Variants in FAM8A1 observed in about 807,000 individuals in gnomAD.
FAM8A1 encodes the protein family with sequence similarity 8 member A1, also known as protein FAM8A1.
In FAM8A1, 18 loss-of-function variants were observed where a neutral mutation model predicts 38.3. That is an observed-to-expected ratio of 0.47 (90% CI 0.33 to 0.70). The LOEUF is 0.70. Ranked by LOEUF, FAM8A1 falls within the 30% of genes least tolerant of loss-of-function variation. The probability of loss-of-function intolerance (pLI) is 0.03; values close to 1 mark genes in which losing one functional copy is unlikely to be tolerated. For missense variants in FAM8A1, 559 were observed against 559.6 expected (o/e 1.00, Z 0.01); for synonymous variants, 246 against 234.4 (o/e 1.05, Z -0.45).
Position 17,600,481 on chromosome 6 carries a change from C to G in FAM8A1, c.72C>G (p.Pro24=). ...GQDDGGGDHE[P]VPSLRGPPTT... ...ACGATGGCGGAGGGGACCACGAGCCCGTCCCTTCCCTGAGAGGCCCTCCTA... is the reference window on the plus strand; with the variant it reads ...ACGATGGCGGAGGGGACCACGAGCCGGTCCCTTCCCTGAGAGGCCCTCCTA... Residue 24 remains proline (P), a synonymous_variant, in exon 1 of 5, where the codon CCC becomes CCG. Transcript: ENST00000259963. The G allele has an allele frequency of 6.6e-7, 1 of 1,522,396 alleles. No individual in the cohort carries two copies. Among genetic ancestry groups the G allele is most frequent in the Non-Finnish European group, 8.8e-7 (1 of 1,138,722 alleles). The allele number at this position is 1,522,396 out of a possible 1,614,324, so 94.3% of individuals were successfully genotyped here.
At chr6:17,606,037 C>A in intron 4 of FAM8A1, 24 bp downstream of exon 4, 1 of 1,477,172 alleles carries the variant, frequency 6.8e-7, no homozygotes. Context: ...TTAGCTTAAT[C>A]TACTACATAC....
rs757899263 is a variant in FAM8A1, at chr6:17,601,001, C to G, written c.592C>G (p.Pro198Ala). ...RTAAGISTPAPVAGLGPRAPH... is the reference protein window; with the variant it reads ...RTAAGISTPAAVAGLGPRAPH... ...AGCTGCCGGCATCAGCACCCCTGCT[C>G]CAGTCGCGGGCCTGGGACCCCGGGC... is the stretch of plus-strand genomic sequence containing the variant. The change falls in exon 1 of 5, where the codon CCA (proline) becomes GCA (alanine). Residue 198 changes from proline (P) to alanine (A), a missense_variant. This residue lies in a region of FAM8A1 where 393 missense variants were observed against 338.9 expected (regional missense o/e 1.16). Transcript: ENST00000259963. 1.7e-5 allele frequency: 27 copies of G among 1,588,990 alleles called. No individual in the cohort carries two copies. Among genetic ancestry groups the G allele is most frequent in the Middle Eastern group, 1.7e-4 (1 of 5,976 alleles).
chr6:17,605,044 T>G lies in FAM8A1; in HGVS notation c.957+15T>G, dbSNP rs764202859. The G allele has an allele frequency of 1.9e-6, 3 of 1,592,788 alleles. No homozygotes were observed. The South Asian group carries it at 3.4e-5, about 18-fold the overall frequency. On this transcript the variant is annotated intron_variant, in intron 3 of 4. Coordinates refer to ENST00000259963, the MANE Select transcript of FAM8A1 (RefSeq NM_016255.3). The stretch of plus-strand genomic sequence containing the variant: ...GTTTCTATGAGGTAAGCTACTGACT[T>G]CAGCAAGAATTAATATTTAACAATC...
chr6:17,601,599 C>T (rs760113620), intron 1 of FAM8A1, among the ~76,000 whole-genome samples: 1 of 152,282 alleles, frequency 6.6e-6, no homozygotes, highest in Non-Finnish European at 1.5e-5. Context: ...TGGGTCAAAG[C>T]TTCACTTCAT....
Position 17,608,572 on chromosome 6 carries a change from A to T in FAM8A1, c.*233A>T. ...TTAGATCAAAAAGGCAAATGATTTTATAAACAATGGACAATATATACTTTC... is the reference window on the plus strand; with the variant it reads ...TTAGATCAAAAAGGCAAATGATTTTTTAAACAATGGACAATATATACTTTC... On this transcript the variant is annotated 3_prime_UTR_variant, in exon 5 of 5. Coordinates refer to ENST00000259963, the MANE Select transcript of FAM8A1 (RefSeq NM_016255.3). 2.7e-6 allele frequency: 1 copy of T among 375,784 alleles called. No homozygotes were observed. The highest frequency in any genetic ancestry group is 2.1e-5 in the African/African-American group (1 of 48,252). 23.3% of individuals were successfully genotyped at this position (375,784 alleles called of 1,614,324 possible). A position where few individuals can be genotyped will look rare whatever the true frequency, so the allele number is the denominator to read the frequency against.
rs1191998374 is a variant in FAM8A1, at chr6:17,610,842, G to A, written c.*2503G>A. On this transcript the variant is annotated 3_prime_UTR_variant, in exon 5 of 5. Coordinates refer to ENST00000259963, the MANE Select transcript of FAM8A1 (RefSeq NM_016255.3). Reference sequence around the variant, plus strand: ...CATGTCCCTAAGATAAACCAGAATTGGCAGTTAATTTAGGCGTCTAGAAAA... The same window carrying A: ...CATGTCCCTAAGATAAACCAGAATTAGCAGTTAATTTAGGCGTCTAGAAAA... The A allele has an allele frequency of 6.6e-6, 1 of 152,088 alleles. No individual in the cohort carries two copies. Among genetic ancestry groups the A allele is most frequent in the Non-Finnish European group, 1.5e-5 (1 of 67,994 alleles). 9.4% of individuals were successfully genotyped at this position (152,088 alleles called of 1,614,324 possible). A position where few individuals can be genotyped will look rare whatever the true frequency, so the allele number is the denominator to read the frequency against.
intron 4 of FAM8A1, among the ~76,000 whole-genome samples, chr6:17,607,792 A>C: frequency 6.6e-6 from 1 of 152,224 alleles, no homozygotes; most frequent in African/African-American, 2.4e-5. Flanking sequence ...TAAAGAACAC[A>C]CAGTACTTTA....
chr6:17,609,702 G>C lies in FAM8A1; in HGVS notation c.*1363G>C, dbSNP rs1764110095. 6.6e-6 allele frequency: 1 copy of C among 152,126 alleles called. No individual in the cohort carries two copies. The highest frequency in any genetic ancestry group is 2.1e-4 in the South Asian group (1 of 4,828). The allele number at this position is 152,126 out of a possible 1,614,324, so 9.4% of individuals were successfully genotyped here. Reference sequence around the variant, plus strand: ...TTTTGATTCTTAGGTATTTTCTCCAGCTCTGACATTGTTTTCCAAAGACAC... The same window carrying C: ...TTTTGATTCTTAGGTATTTTCTCCACCTCTGACATTGTTTTCCAAAGACAC... On this transcript the variant is annotated 3_prime_UTR_variant, in exon 5 of 5. Transcript: ENST00000259963.
In FAM8A1 at chr6:17,610,005, A is replaced by C. The variant is rs975350131; in HGVS notation, c.*1666A>C. 8 of 152,332 alleles carry C rather than the reference A, an allele frequency of 5.3e-5. No homozygotes were observed. The highest frequency in any genetic ancestry group is 5.2e-4 in the Admixed American group (8 of 15,296). 9.4% of individuals were successfully genotyped at this position (152,332 alleles called of 1,614,324 possible). A position where few individuals can be genotyped will look rare whatever the true frequency, so the allele number is the denominator to read the frequency against. ...AGCTTCCCAGAAACACTAATAATTA[A>C]GTACATCAATGTACTAAATAAATCA... is the stretch of plus-strand genomic sequence containing the variant. On this transcript the variant is annotated 3_prime_UTR_variant, in exon 5 of 5. Coordinates refer to ENST00000259963, the MANE Select transcript of FAM8A1 (RefSeq NM_016255.3).
At chr6:17,603,822 A>G (rs1347312603) in intron 2 of FAM8A1, among the ~76,000 whole-genome samples, 1 of 151,938 alleles carries the variant, frequency 6.6e-6, no homozygotes. Context: ...CTGGGCTCAA[A>G]TGATCCTCCT....
Position 17,609,119 on chromosome 6 carries a change from A to C in FAM8A1, c.*780A>C, listed in dbSNP as rs1401893111. 6.6e-6 allele frequency: 1 copy of C among 152,126 alleles called. No homozygotes were observed. The allele number at this position is 152,126 out of a possible 1,614,324, so 9.4% of individuals were successfully genotyped here. A position where few individuals can be genotyped will look rare whatever the true frequency, so the allele number is the denominator to read the frequency against. ...AGTTTTCACTGTAAATTGAACTTAT[A>C]ATTTATGTGCAAGTGTTTTCAGTGC... On this transcript the variant is annotated 3_prime_UTR_variant, in exon 5 of 5. Transcript: ENST00000259963.
chr6:17,605,829 GGTAT>G, intron 3 of FAM8A1, 41 bp from the exon 4 acceptor site: 2 of 1,449,700 alleles, frequency 1.4e-6, no homozygotes, highest in Admixed American at 2.4e-5. Context: ...CTTTAAAATT[GGTAT>G]AGTTGAGCCA....
chr6:17,602,996 T>G (rs1425941230), intron 2 of FAM8A1, among the ~76,000 whole-genome samples: 1 of 152,234 alleles, frequency 6.6e-6, no homozygotes, highest in Admixed American at 6.5e-5. Context: ...CACCTATTCT[T>G]TTAGGCCAGG....
At chr6:17,601,737 C>T (rs917697079) in intron 1 of FAM8A1, among the ~76,000 whole-genome samples, 1 of 151,912 alleles carries the variant, frequency 6.6e-6, no homozygotes, top group African/African-American at 2.4e-5. Flanking sequence ...TAGTTAGCCA[C>T]AGATAGATGG....
Position 17,611,570 on chromosome 6 carries a change from ATACT to A in FAM8A1, c.*3233_*3236del, listed in dbSNP as rs1325955551. 9.2e-5 allele frequency: 14 copies of A among 152,712 alleles called. No homozygotes were observed. The East Asian group carries it at 1.5e-3, about 17-fold the overall frequency. 9.5% of individuals were successfully genotyped at this position (152,712 alleles called of 1,614,324 possible). A position where few individuals can be genotyped will look rare whatever the true frequency, so the allele number is the denominator to read the frequency against. ...AAGTTCCTCATTTCAAACAGTATAC[ATACT>A]TCTTTGCAGTTCATTATAGTAAGGC... is the stretch of plus-strand genomic sequence containing the variant. On this transcript the variant is annotated 3_prime_UTR_variant, in exon 5 of 5. Coordinates refer to ENST00000259963, the MANE Select transcript of FAM8A1 (RefSeq NM_016255.3).
intron 4 of FAM8A1, among the ~76,000 whole-genome samples, chr6:17,607,387 TATTA>T (rs1448215837): frequency 6.6e-6 from 1 of 152,012 alleles, no homozygotes; most frequent in Non-Finnish European, 1.5e-5. Flanking sequence ...ACTGCATATG[TATTA>T]ATTTAATGCT....
intron 4 of FAM8A1, among the ~76,000 whole-genome samples, chr6:17,607,372 A>ATGTATGTATTAATT: frequency 6.6e-6 from 1 of 151,560 alleles, no homozygotes; most frequent in East Asian, 1.9e-4. Flanking sequence ...TGCACTGTTA[A>ATGTATGTATTAATT]TAACACTGCA....
At position 17,600,723 on chromosome 6, in the gene FAM8A1, C is replaced by G; in HGVS notation, c.314C>G (p.Pro105Arg). ...GAAGCCGCGGCGCCACGAGAGAGAC[C>G]AGCTCGGCTGAGCGCCCGCGAGTAC... ...APEAAAPRER[P>R]ARLSAREYSR... Residue 105 changes from proline (P) to arginine (R), a missense_variant, in exon 1 of 5, where the codon CCA becomes CGA. By Grantham distance (103) the Pro-to-Arg change is moderately radical. Around this residue, in one of 2 missense-constraint regions of FAM8A1, gnomAD observed 393 missense variants for 338.9 expected, o/e 1.16. Coordinates refer to ENST00000259963, the MANE Select transcript of FAM8A1 (RefSeq NM_016255.3). 1 of 1,571,404 alleles carries G rather than the reference C, an allele frequency of 6.4e-7. No individual in the cohort carries two copies.
rs1161197350 is a variant in FAM8A1, at chr6:17,610,548, A to C, written c.*2209A>C. 6.6e-6 allele frequency: 1 copy of C among 152,136 alleles called. No individual in the cohort carries two copies. Among genetic ancestry groups the C allele is most frequent in the Non-Finnish European group, 1.5e-5 (1 of 67,996 alleles). 9.4% of individuals were successfully genotyped at this position (152,136 alleles called of 1,614,324 possible). A position where few individuals can be genotyped will look rare whatever the true frequency, so the allele number is the denominator to read the frequency against. On this transcript the variant is annotated 3_prime_UTR_variant, in exon 5 of 5. Transcript: ENST00000259963. ...TTTGATTCCCAAAGTTTGGAAAAAA[A>C]TGACAAAACAACGAGGGAAGAAGGA...
Sources: gnomAD v4.1 joint callset for allele counts (sites outside exome capture counted in the v4.1 genomes callset) on GRCh38, gnomAD v4.1.1 for gene constraint, gnomAD v4.1.1 regional missense constraint, MANE v1.5 for transcripts, NCBI Gene and HGNC (gene_info 2026-07-23, HGNC 2026-07-21) for gene names.